Variants in RHCE observed in about 807,000 individuals in gnomAD.
RHCE encodes Rh blood group CcEe antigens.
RHCE carries 22 observed loss-of-function variants against 43.8 expected under a neutral mutation model. The ratio of observed to expected loss-of-function variants is 0.50; its 90% CI spans 0.36 to 0.72. RHCE has a LOEUF of 0.72. Among genes scored for constraint, RHCE ranks in the 30% least tolerant of loss-of-function variants. The pLI is 0.00. For synonymous variants in RHCE, 156 were observed against 210.7 expected (o/e 0.74, Z 2.25); for missense variants, 385 against 525.4 (o/e 0.73, Z 2.61).
upstream of RHCE, among the ~76,000 whole-genome samples, chr1:25,425,320 C>T (rs1254319657): frequency 2.6e-5 from 4 of 152,190 alleles, no homozygotes; most frequent in African/African-American, 4.8e-5. Flanking sequence ...GCTATTTCAT[C>T]GGATCTTCCT....
chr1:25,376,931 G>T (rs1645806679), intron 7 of RHCE, among the ~76,000 whole-genome samples: 1 of 151,804 alleles, frequency 6.6e-6, no homozygotes, highest in Non-Finnish European at 1.5e-5. Context: ...AAAGAGAAAA[G>T]AAAAATAAAT....
intron 7 of RHCE, among the ~76,000 whole-genome samples, chr1:25,379,489 ATATATATTT>A (rs1354734066): frequency 1.0e-4 from 2 of 19,682 alleles, no homozygotes; most frequent in Admixed American, 1.0e-3. Flanking sequence ...ATATATATAT[ATATATATTT>A]TTTTTTTTTT....
intron 1 of RHCE, among the ~76,000 whole-genome samples, chr1:25,420,138 T>C (rs2042727630): frequency 6.6e-6 from 1 of 151,826 alleles, no homozygotes; most frequent in Non-Finnish European, 1.5e-5. Context: ...ACCATGATCA[T>C]GCCACTGCAC....
intron 7 of RHCE, among the ~76,000 whole-genome samples, chr1:25,377,153 G>T (rs113091970): frequency 1.3e-5 from 2 of 151,920 alleles, no homozygotes; most frequent in Admixed American, 6.6e-5. Context: ...AATGTTTGTT[G>T]AATGACTGAA....
At chr1:25,401,879 CT>C (rs1206506566) in intron 3 of RHCE, among the ~76,000 whole-genome samples, 25 of 147,472 alleles carry the variant, frequency 1.7e-4, no homozygotes, top group Admixed American at 5.4e-4. Context: ...TTTCTTTTTT[CT>C]TTTTTTTTTA....
chr1:25,416,203 C>A (rs78207142), intron 1 of RHCE, among the ~76,000 whole-genome samples: 1 of 151,684 alleles, frequency 6.6e-6, no homozygotes, highest in Non-Finnish European at 1.5e-5. Context: ...GGATTTGATA[C>A]GCATTTCTCT....
chr1:25,370,139 G>C lies in RHCE; in HGVS notation c.1227+328C>G, dbSNP rs541781201. On this transcript the variant is annotated intron_variant, in intron 9 of 9. Coordinates refer to ENST00000294413, the MANE Select transcript of RHCE (RefSeq NM_020485.8). ...GTTTCTTCCAGCTTTTGCATTGCGG[G>C]GTTCTGTCACCCGCATGTCAAACTA... Among the ~76,000 whole-genome samples, 12 of 151,768 alleles carry C rather than the reference G, an allele frequency of 7.9e-5. 1 individual carries two copies. The highest frequency in any genetic ancestry group is 2.9e-4 in the African/African-American group (12 of 41,090).
Position 25,395,796 on chromosome 1 carries a change from T to C in RHCE, c.487-3655A>G, listed in dbSNP as rs1830963. On this transcript the variant is annotated intron_variant, in intron 3 of 9. Coordinates refer to ENST00000294413, the MANE Select transcript of RHCE (RefSeq NM_020485.8). ...TTTCCTTACAGGAGAATGCCAACTATTGAAGGAAAGATGGAATTAGAAAAC... is the reference window on the plus strand; with the variant it reads ...TTTCCTTACAGGAGAATGCCAACTACTGAAGGAAAGATGGAATTAGAAAAC... Among the ~76,000 whole-genome samples the C allele has an allele frequency of 1.8e-4, 28 of 152,224 alleles. No homozygotes were observed. In the East Asian group the frequency reaches 3.7e-3, roughly 20 times the overall value.
At chr1:25,392,243 TG>T (rs1311463828) in intron 3 of RHCE, 102 bp from the exon 4 acceptor site, 38 of 1,593,614 alleles carry the variant, frequency 2.4e-5, no homozygotes, top group Non-Finnish European at 3.3e-5. Context: ...TTAGGAGGTG[TG>T]ACTTGAAGCC....
chr1:25,424,189 A>G (rs1051658550), upstream of RHCE, among the ~76,000 whole-genome samples: 1 of 152,218 alleles, frequency 6.6e-6, no homozygotes, highest in African/African-American at 2.4e-5. Flanking sequence ...GGTAGGTGAC[A>G]CTAAGCTATG....
chr1:25,421,892 A>G (rs1410963068), upstream of RHCE, among the ~76,000 whole-genome samples: 1 of 152,256 alleles, frequency 6.6e-6, no homozygotes, highest in East Asian at 1.9e-4. Context: ...CAGAGAATAA[A>G]GCCAGGGCCA....
intron 1 of RHCE, among the ~76,000 whole-genome samples, chr1:25,414,123 C>T (rs1023765769): frequency 2.6e-5 from 4 of 151,974 alleles, no homozygotes; most frequent in African/African-American, 7.2e-5. Context: ...CCGTGCCGGC[C>T]GCTGATTAGC....
chr1:25,402,085 C>T (rs1319881070), intron 3 of RHCE, among the ~76,000 whole-genome samples: 1 of 152,008 alleles, frequency 6.6e-6, no homozygotes, highest in South Asian at 2.1e-4. Flanking sequence ...CCATGTTGAC[C>T]AGGCTGGTCT....
At position 25,406,347 on chromosome 1, in the gene RHCE, C is replaced by CT. The variant is rs1359902767; in HGVS notation, c.335+2335dup. ...TTTGTTTTTGAGACGGAGCCTCACT[C>CT]TGTCGCCCAGGCTACAGTGCAATGG... On this transcript the variant is annotated intron_variant, in intron 2 of 9. Coordinates refer to ENST00000294413, the MANE Select transcript of RHCE (RefSeq NM_020485.8). Among the ~76,000 whole-genome samples the CT allele has an allele frequency of 2.5e-4, 31 of 121,632 alleles. 4 individuals carry two copies. The highest frequency in any genetic ancestry group is 7.4e-4 in the African/African-American group (29 of 39,400). The allele number at this position is 121,632 out of a possible 152,430, so 79.8% of individuals were successfully genotyped here.
At chr1:25,394,856 A>T (rs368482063) in intron 3 of RHCE, among the ~76,000 whole-genome samples, 1 of 152,036 alleles carries the variant, frequency 6.6e-6, no homozygotes, top group East Asian at 1.9e-4. Context: ...TGGAATATTC[A>T]TTTCTTGAGC....
intron 2 of RHCE, among the ~76,000 whole-genome samples, chr1:25,407,609 G>A (rs770162632): frequency 1.6e-5 from 2 of 123,694 alleles, no homozygotes; most frequent in African/African-American, 2.5e-5. Flanking sequence ...CTAGGATGAC[G>A]TTTACCATCA....
chr1:25,384,948 G>C (rs1238301184), intron 7 of RHCE, among the ~76,000 whole-genome samples: 1 of 152,226 alleles, frequency 6.6e-6, no homozygotes, highest in Non-Finnish European at 1.5e-5. Context: ...AATGTTATCA[G>C]TGAATATGAT....
rs1395685748 is a variant in RHCE, at chr1:25,373,424, G to C, written c.1153+1925C>G. ...AGCCTTTCCCAGGGTTGGATTGCCA[G>C]CTGCCACGAACTGAACGTTAACTTA... On this transcript the variant is annotated intron_variant, in intron 8 of 9. Transcript: ENST00000294413. Among the ~76,000 whole-genome samples the C allele has an allele frequency of 2.0e-5, 3 of 151,740 alleles. 1 individual carries two copies. In the East Asian group the frequency reaches 5.8e-4, roughly 29 times the overall value.
chr1:25,421,775 A>T (rs1448522566), upstream of RHCE, among the ~76,000 whole-genome samples: 1 of 152,176 alleles, frequency 6.6e-6, no homozygotes, highest in East Asian at 1.9e-4. Flanking sequence ...GTAGGGAGGG[A>T]GGAAGGGATG....
Sources: gnomAD v4.1 joint callset for allele counts (sites outside exome capture counted in the v4.1 genomes callset) on GRCh38, gnomAD v4.1.1 for gene constraint, MANE v1.5 for transcripts, NCBI Gene and HGNC (gene_info 2026-07-23, HGNC 2026-07-21) for gene names.